ZNF257: variants seen among roughly 807,000 people sequenced by gnomAD.
The protein encoded by ZNF257 is zinc finger protein 257, also known as bone marrow zinc finger 4.
ZNF257 carries 12 observed loss-of-function variants against 11.9 expected under a neutral mutation model. The ratio of observed to expected loss-of-function variants is 1.01; its 90% CI spans 0.65 to 1.63. ZNF257 has a LOEUF of 1.63. Ranked by LOEUF, ZNF257 falls within the 40% of genes most tolerant of loss-of-function variation. The probability of loss-of-function intolerance (pLI) is 0.00; values close to 1 mark genes in which losing one functional copy is unlikely to be tolerated. For missense variants in ZNF257, 580 were observed against 665.5 expected (o/e 0.87, Z 1.41); for synonymous variants, 183 against 222.7 (o/e 0.82, Z 1.59).
At chr19:22,070,944 C>G (rs1713714468) in intron 1 of ZNF257, among the ~76,000 whole-genome samples, 1 of 152,100 alleles carries the variant, frequency 6.6e-6, no homozygotes, top group South Asian at 2.1e-4. Context: ...ATTACATGGC[C>G]AATTTGCAGA....
intron 1 of ZNF257, among the ~76,000 whole-genome samples, chr19:22,061,220 C>A (rs534777900): frequency 2.0e-5 from 3 of 152,046 alleles, no homozygotes; most frequent in African/African-American, 2.4e-5. Context: ...GGGCAGTATG[C>A]CCATTTTAAT....
chr19:22,075,114 G>A (rs1314053716), intron 3 of ZNF257, among the ~76,000 whole-genome samples: 2 of 152,120 alleles, frequency 1.3e-5, no homozygotes, highest in African/African-American at 4.8e-5. Context: ...GTTGTAGCTT[G>A]GTCACAAGAT....
chr19:22,078,388 A>T (rs1054701558), intron 3 of ZNF257, among the ~76,000 whole-genome samples: 2 of 152,024 alleles, frequency 1.3e-5, no homozygotes, highest in African/African-American at 4.8e-5. Context: ...TTTGATAAGA[A>T]TTTTGTTCAA....
rs1173749294 is a variant in ZNF257, at chr19:22,090,490, G to T, written c.*1048G>T. ...AGAGCTCATACTAAAATATACTTTT[G>T]CAGATGCAATAAATACAAAGAAATA... On this transcript the variant is annotated 3_prime_UTR_variant, in exon 4 of 4. Transcript: ENST00000594947. The T allele has an allele frequency of 6.6e-6, 1 of 152,040 alleles. No homozygotes were observed. The highest frequency in any genetic ancestry group is 1.5e-5 in the Non-Finnish European group (1 of 67,980). 9.4% of individuals were successfully genotyped at this position (152,040 alleles called of 1,614,324 possible).
chr19:22,090,852 TG>T lies in ZNF257; in HGVS notation c.*1411del, dbSNP rs1201026221. 6.6e-6 allele frequency: 1 copy of T among 152,160 alleles called. No homozygotes were observed. The highest frequency in any genetic ancestry group is 1.5e-5 in the Non-Finnish European group (1 of 68,034). The allele number at this position is 152,160 out of a possible 1,614,324, so 9.4% of individuals were successfully genotyped here. On this transcript the variant is annotated 3_prime_UTR_variant, in exon 4 of 4. Coordinates refer to ENST00000594947, the MANE Select transcript of ZNF257 (RefSeq NM_033468.4). Reference sequence around the variant, plus strand: ...ATCAACTATTGCTGCATCAGAGATATGAGAGATACTTTATTAGGTGGGAATT... The same window carrying T: ...ATCAACTATTGCTGCATCAGAGATATAGAGATACTTTATTAGGTGGGAATT...
chr19:22,053,540 G>A (rs1971750780), intron 1 of ZNF257, among the ~76,000 whole-genome samples: 1 of 152,138 alleles, frequency 6.6e-6, no homozygotes, highest in African/African-American at 2.4e-5. Context: ...CTATCAAGGT[G>A]GACATTTCCT....
chr19:22,057,503 T>C (rs2021675691), intron 1 of ZNF257, among the ~76,000 whole-genome samples: 1 of 145,128 alleles, frequency 6.9e-6, no homozygotes, highest in Non-Finnish European at 1.5e-5. Flanking sequence ...AAGGTTAAAA[T>C]AGAAGGGGTC....
At chr19:22,075,110 G>A (rs796563863) in intron 3 of ZNF257, among the ~76,000 whole-genome samples, 58 of 152,222 alleles carry the variant, frequency 3.8e-4, no homozygotes, top group African/African-American at 1.3e-3. Flanking sequence ...AGGGGTTGTA[G>A]CTTGGTCACA....
At position 22,091,155 on chromosome 19, in the gene ZNF257, C is replaced by T. The variant is rs1192697566; in HGVS notation, c.*1713C>T. 2.0e-5 allele frequency: 3 copies of T among 151,906 alleles called. No homozygotes were observed. The highest frequency in any genetic ancestry group is 1.9e-4 in the East Asian group (1 of 5,188). 9.4% of individuals were successfully genotyped at this position (151,906 alleles called of 1,614,324 possible). A position where few individuals can be genotyped will look rare whatever the true frequency, so the allele number is the denominator to read the frequency against. ...TATAATTAAATATTTTCTTTTACCA[C>T]GTTAAGACTATTGTACGTTCAGGCC... On this transcript the variant is annotated 3_prime_UTR_variant, in exon 4 of 4. Coordinates refer to ENST00000594947, the MANE Select transcript of ZNF257 (RefSeq NM_033468.4).
intron 1 of ZNF257, among the ~76,000 whole-genome samples, chr19:22,063,380 A>AT (rs1207502347): frequency 2.6e-5 from 4 of 151,694 alleles, no homozygotes; most frequent in African/African-American, 4.8e-5. Context: ...GCTTTTGGTT[A>AT]TTTTTTGCAT....
chr19:22,055,075 T>C (rs2021593997), intron 1 of ZNF257, among the ~76,000 whole-genome samples: 1 of 152,140 alleles, frequency 6.6e-6, no homozygotes, highest in South Asian at 2.1e-4. Context: ...TTCCATTTCT[T>C]AGAGACACAT....
chr19:22,067,661 C>A (rs1057436141), intron 1 of ZNF257, among the ~76,000 whole-genome samples: 4 of 151,564 alleles, frequency 2.6e-5, no homozygotes, highest in African/African-American at 4.9e-5. Context: ...ATGGTGAAAC[C>A]CTGTCTCTGC....
At chr19:22,063,880 A>T (rs193189291) in intron 1 of ZNF257, among the ~76,000 whole-genome samples, 1 of 152,320 alleles carries the variant, frequency 6.6e-6, no homozygotes, top group African/African-American at 2.4e-5. Context: ...TATTTGGTCA[A>T]GTGTCAAGTT....
chr19:22,055,143 A>G (rs964785385), intron 1 of ZNF257, among the ~76,000 whole-genome samples: 3 of 152,158 alleles, frequency 2.0e-5, no homozygotes, highest in African/African-American at 7.2e-5. Context: ...TGCCCCCTGG[A>G]TTCTCTAAGT....
intron 1 of ZNF257, among the ~76,000 whole-genome samples, chr19:22,067,845 A>T (rs1461713784): frequency 6.9e-6 from 1 of 145,710 alleles, no homozygotes; most frequent in Non-Finnish European, 1.5e-5. Flanking sequence ...AAAAAAATAA[A>T]AAATAAAAAA....
In ZNF257 at chr19:22,089,134, G is replaced by A. The variant is rs747819077; in HGVS notation, c.1384G>A (p.Glu462Lys). ...TACTGGAGAGAAACCCTACAAATGTGAAGAGTGTGGCAAAGCCTTTAACCA... is the reference window on the plus strand; with the variant it reads ...TACTGGAGAGAAACCCTACAAATGTAAAGAGTGTGGCAAAGCCTTTAACCA... ...IHTGEKPYKC[E>K]ECGKAFNQSS... The change falls in exon 4 of 4, where the codon GAA (glutamate) becomes AAA (lysine). Residue 462 changes from glutamate (E) to lysine (K), a missense_variant. Transcript: ENST00000594947. The A allele has an allele frequency of 1.1e-4, 176 of 1,613,450 alleles. No homozygotes were observed. Among genetic ancestry groups the A allele is most frequent in the Non-Finnish European group, 1.4e-5 (16 of 1,179,696 alleles).
At position 22,088,950 on chromosome 19, in the gene ZNF257, C is replaced by T; in HGVS notation, c.1200C>T (p.Tyr400=). 1 of 1,611,924 alleles carries T rather than the reference C, an allele frequency of 6.2e-7. No homozygotes were observed. Residue 400 remains tyrosine, a synonymous_variant, in exon 4 of 4, where the codon TAC becomes TAT. Transcript: ENST00000594947. ...HKRIHTREKA[Y]KCDEYCKAFN... ...GAATTCATACTAGAGAGAAGGCCTACAAATGTGATGAATATTGCAAAGCTT... is the reference window on the plus strand; with the variant it reads ...GAATTCATACTAGAGAGAAGGCCTATAAATGTGATGAATATTGCAAAGCTT...
intron 3 of ZNF257, among the ~76,000 whole-genome samples, chr19:22,087,265 C>T (rs568053347): frequency 4.0e-5 from 6 of 151,382 alleles, no homozygotes; most frequent in African/African-American, 1.2e-4. Flanking sequence ...ACAATCTTTA[C>T]AATGTAGCTT....
intron 3 of ZNF257, among the ~76,000 whole-genome samples, chr19:22,078,009 G>A (rs2022267847): frequency 1.3e-5 from 2 of 151,750 alleles, no homozygotes; most frequent in South Asian, 2.1e-4. Context: ...GGAGGCCAAG[G>A]TGGGCGGATC....
Sources: allele counts gnomAD v4.1 joint callset (sites outside exome capture counted in the v4.1 genomes callset), GRCh38; gene constraint gnomAD v4.1.1; transcripts MANE v1.5; gene names NCBI Gene and HGNC (gene_info 2026-07-23, HGNC 2026-07-21).